Variants in DOCK1 observed in about 807,000 individuals in gnomAD.
DOCK1 encodes the protein dedicator of cytokinesis 1.
Under a neutral mutation model 262.7 loss-of-function variants are expected in DOCK1, and 138 were observed. The observed-to-expected ratio is 0.53, with a 90% CI of 0.46 to 0.61. The LOEUF (loss-of-function observed/expected upper bound fraction) is 0.61. DOCK1 is among the 20% of genes least tolerant of loss of function. The pLI is 0.00. For synonymous variants in DOCK1, 866 were observed against 867.4 expected (o/e 1.00, Z 0.03); for missense variants, 1,908 against 2,370.7 (o/e 0.80, Z 4.05).
intron 23 of DOCK1, among the ~76,000 whole-genome samples, chr10:127,104,801 AG>A (rs2048438660): frequency 6.6e-6 from 1 of 152,224 alleles, no homozygotes; most frequent in Admixed American, 6.5e-5. Flanking sequence ...AAAGGGACTC[AG>A]GGTCTGACTT....
At chr10:127,167,574 A>G (rs968633640) in intron 27 of DOCK1, among the ~76,000 whole-genome samples, 2 of 152,110 alleles carry the variant, frequency 1.3e-5, no homozygotes, top group South Asian at 2.1e-4. Context: ...AGACATCTCT[A>G]TAGAATATGT....
At chr10:127,289,268 C>T (rs542593426) in intron 29 of DOCK1, among the ~76,000 whole-genome samples, 5 of 152,208 alleles carry the variant, frequency 3.3e-5, no homozygotes, top group East Asian at 3.9e-4. Flanking sequence ...TGGAGACTGG[C>T]GTGTTGTAGT....
At chr10:127,336,693 C>A (rs1373385163) in intron 29 of DOCK1, among the ~76,000 whole-genome samples, 1 of 152,100 alleles carries the variant, frequency 6.6e-6, no homozygotes, top group Non-Finnish European at 1.5e-5. Context: ...GTGCCCGCCA[C>A]CACACCCAGC....
intron 46 of DOCK1, among the ~76,000 whole-genome samples, chr10:127,424,970 C>T (rs750875819): frequency 6.6e-6 from 1 of 152,146 alleles, no homozygotes; most frequent in Non-Finnish European, 1.5e-5. Context: ...ACATTTGATG[C>T]GTTGATTCAT....
At chr10:127,090,559 A>G (rs939785835) in intron 23 of DOCK1, among the ~76,000 whole-genome samples, 2 of 152,130 alleles carry the variant, frequency 1.3e-5, no homozygotes, top group Admixed American at 6.5e-5. Context: ...CGAACAATTC[A>G]GTGGCATGGG....
intron 27 of DOCK1, among the ~76,000 whole-genome samples, chr10:127,218,912 T>A (rs764786151): frequency 6.6e-5 from 10 of 152,166 alleles, no homozygotes; most frequent in Non-Finnish European, 1.3e-4. Flanking sequence ...TGCTTCATCC[T>A]CTGGAGGGGA....
Position 127,168,661 on chromosome 10 carries a change from A to G in DOCK1, c.2847+40897A>G, listed in dbSNP as rs532983259. Among the ~76,000 whole-genome samples the G allele has an allele frequency of 2.0e-5, 3 of 152,348 alleles. No individual in the cohort carries two copies. The East Asian group carries it at 5.8e-4, about 29-fold the overall frequency. ...TAAGTGGGTAGGTTTTGGCAAGAAC[A>G]ACCTAATCATCCTGCTAGAGAGTGC... On this transcript the variant is annotated intron_variant, in intron 27 of 51. Coordinates refer to ENST00000623213, the MANE Select transcript of DOCK1 (RefSeq NM_001290223.2).
At chr10:126,910,626 A>C (rs2031630290) in intron 1 of DOCK1, among the ~76,000 whole-genome samples, 2 of 152,234 alleles carry the variant, frequency 1.3e-5, no homozygotes, top group South Asian at 4.1e-4. Flanking sequence ...GTTTCACCTA[A>C]GGTTACGTCT....
chr10:127,423,581 C>A (rs980554578), intron 46 of DOCK1, among the ~76,000 whole-genome samples: 3 of 152,132 alleles, frequency 2.0e-5, no homozygotes, highest in Admixed American at 1.3e-4. Context: ...GCATCCCTGC[C>A]GAGTATCCAA....
At chr10:126,912,758 C>G (rs960699441) in intron 1 of DOCK1, among the ~76,000 whole-genome samples, 1 of 150,838 alleles carries the variant, frequency 6.6e-6, no homozygotes, top group Admixed American at 6.6e-5. Context: ...AGAAAGGACA[C>G]TAGTCATGCT....
intron 29 of DOCK1, among the ~76,000 whole-genome samples, chr10:127,305,946 A>ATAT (rs1008539087): frequency 2.0e-5 from 3 of 151,720 alleles, no homozygotes; most frequent in Non-Finnish European, 4.4e-5. Context: ...ATGCATTTAA[A>ATAT]TATTATTATT....
At chr10:127,248,263 G>A (rs1259163314) in intron 28 of DOCK1, among the ~76,000 whole-genome samples, 154 bp downstream of exon 28, 2 of 152,186 alleles carry the variant, frequency 1.3e-5, no homozygotes, top group South Asian at 2.1e-4. Flanking sequence ...TCTGACTGAA[G>A]CCTTGTTTCT....
chr10:127,164,112 C>G (rs189493855), intron 27 of DOCK1, among the ~76,000 whole-genome samples: 296 of 146,640 alleles, frequency 2.0e-3, no homozygotes, highest in African/African-American at 6.8e-3. Flanking sequence ...CGGGCTCCCT[C>G]TCCTCTCTTT....
intron 27 of DOCK1, among the ~76,000 whole-genome samples, chr10:127,162,080 G>T (rs771347670): frequency 2.4e-4 from 37 of 152,096 alleles, no homozygotes; most frequent in South Asian, 1.0e-3. Context: ...ACGTTAATGC[G>T]ATTTGATATT....
intron 46 of DOCK1, among the ~76,000 whole-genome samples, chr10:127,422,404 A>G (rs1440632789): frequency 6.6e-6 from 1 of 151,868 alleles, no homozygotes; most frequent in African/African-American, 2.4e-5. Context: ...TGACCTCGTG[A>G]TCCGCCCACC....
chr10:127,035,750 C>T (rs1029846709), intron 18 of DOCK1, among the ~76,000 whole-genome samples: 8 of 152,086 alleles, frequency 5.3e-5, no homozygotes, highest in Non-Finnish European at 1.2e-4. Flanking sequence ...TGGCTCACAT[C>T]TGTAATCCCA....
chr10:127,004,728 G>A (rs1477760354), intron 10 of DOCK1, among the ~76,000 whole-genome samples: 1 of 151,012 alleles, frequency 6.6e-6, no homozygotes, highest in African/African-American at 2.4e-5. Flanking sequence ...TCCAGCCTGG[G>A]CTACAGAGTC....
At position 127,439,096 on chromosome 10, in the gene DOCK1, C is replaced by T. The variant is rs1416493583; in HGVS notation, c.5130C>T (p.Asp1710=). The T allele has an allele frequency of 3.2e-6, 5 of 1,569,538 alleles. No homozygotes were observed. The highest frequency in any genetic ancestry group is 4.3e-6 in the Non-Finnish European group (5 of 1,157,048). The change falls in exon 49 of 52, where the codon GAC becomes GAT. Residue 1710 remains aspartate (D), a synonymous_variant. Transcript: ENST00000623213. ...CCCAGGACAAGCTGGACAAGGATGACCTGGAGAAGGAGAAGAAGGACAAGA... is the reference window on the plus strand; with the variant it reads ...CCCAGGACAAGCTGGACAAGGATGATCTGGAGAAGGAGAAGAAGGACAAGA... ...SRSQDKLDKD[D]LEKEKKDKKK... is the part of the protein sequence containing the mutation.
At chr10:127,353,816 G>A (rs1048762050) in intron 31 of DOCK1, among the ~76,000 whole-genome samples, 42 of 152,124 alleles carry the variant, frequency 2.8e-4, no homozygotes, top group African/African-American at 9.4e-4. Context: ...CTAATAAGGT[G>A]GCAGCTGGCC....
Sources: allele counts gnomAD v4.1 joint callset (sites outside exome capture counted in the v4.1 genomes callset), GRCh38; gene constraint gnomAD v4.1.1; transcripts MANE v1.5; gene names NCBI Gene and HGNC (gene_info 2026-07-23, HGNC 2026-07-21).